Variants in CAMTA1 observed in about 807,000 individuals in gnomAD.
The protein encoded by CAMTA1 is calmodulin-binding transcription activator 1.
In CAMTA1, 27 loss-of-function variants were observed where a neutral mutation model predicts 170.9. That is an observed-to-expected ratio of 0.16 (90% confidence interval 0.12 to 0.22). The LOEUF (loss-of-function observed/expected upper bound fraction) is 0.22. CAMTA1 is among the 10% of genes least tolerant of loss of function. The pLI is 1.00. For synonymous variants in CAMTA1, 833 were observed against 891.5 expected, an observed-to-expected ratio of 0.93 and a Z score of 1.17; for missense variants, 1,619 against 2,217.2, an observed-to-expected ratio of 0.73 and a Z score of 5.42.
rs1490994408 is a variant in CAMTA1 at position 7,727,062 on chromosome 1, A to G, written c.2915-5386A>G. On this transcript the variant is annotated intron_variant, in intron 11 of 22. Coordinates refer to ENST00000303635, the MANE Select transcript of CAMTA1 (RefSeq NM_015215.4). The stretch of plus-strand genomic sequence containing the variant: ...CATCATGGGTAAGAACTAGGACCAA[A>G]CTCATCAGCTCCCTAAATCTACGCA... Among the ~76,000 whole-genome samples the G allele has an allele frequency of 2.6e-5, 4 of 151,730 alleles. No homozygotes were observed. In the East Asian group the frequency reaches 7.7e-4, roughly 29 times the overall value.
intron 6 of CAMTA1, among the ~76,000 whole-genome samples, chr1:7,600,545 G>A (rs1373006986): frequency 6.6e-6 from 1 of 150,456 alleles, no homozygotes. Flanking sequence ...GGGGGATTTG[G>A]CAGGGTCACA....
intron 5 of CAMTA1, among the ~76,000 whole-genome samples, chr1:7,467,533 T>C (rs6666707): frequency 2.0e-5 from 3 of 152,206 alleles, no homozygotes; most frequent in Non-Finnish European, 4.4e-5. Context: ...AATGCATACG[T>C]AGGTACATTT....
rs1361709842 is a variant in CAMTA1 at position 7,310,700 on chromosome 1, C to CTCTCTCTCTCTT, written c.438+61077_438+61078insCTCTCTCTTTCT. Among the ~76,000 whole-genome samples the CTCTCTCTCTCTT allele has an allele frequency of 1.6e-3, 87 of 53,464 alleles. 1 individual carries two copies. The highest frequency in any genetic ancestry group is 8.6e-3 in the Middle Eastern group (1 of 116). The allele number at this position is 53,464 out of a possible 152,430, so 35.1% of individuals were successfully genotyped here. ...TCTTTCTCTCTCTCTCTCTCTCTCT[C>CTCTCTCTCTCTT]TCTTTCTTTCTTTCTTTCTTTCTTT... On this transcript the variant is annotated intron_variant, in intron 5 of 22. Coordinates refer to ENST00000303635, the MANE Select transcript of CAMTA1 (RefSeq NM_015215.4).
At chr1:7,319,870 T>C (rs540295769) in intron 5 of CAMTA1, among the ~76,000 whole-genome samples, 22 of 150,584 alleles carry the variant, frequency 1.5e-4, no homozygotes, top group South Asian at 4.2e-4. Context: ...ATTTTTTTTT[T>C]CCTTGGCATA....
intron 20 of CAMTA1, 54 bp from the exon 21 acceptor site, chr1:7,752,405 C>A: frequency 6.7e-7 from 1 of 1,498,990 alleles, no homozygotes; most frequent in South Asian, 1.1e-5. Flanking sequence ...ACCAGTTTTC[C>A]ATATTGGGCT....
rs1661419698 is a variant in CAMTA1 at position 7,224,843 on chromosome 1, C to G, written c.303-24648C>G. ...TGGTCCGTTGGCACCCTGCCCACCG[C>G]ACTTCAGCTTCCCTTGCTGCCACCT... On this transcript the variant is annotated intron_variant, in intron 4 of 22. Coordinates refer to ENST00000303635, the MANE Select transcript of CAMTA1 (RefSeq NM_015215.4). This position sits in a 1 kb window ranked among gnomAD's most constrained non-coding sequence, Gnocchi z 5.2. Among the ~76,000 whole-genome samples the G allele has an allele frequency of 1.3e-5, 2 of 152,194 alleles. No homozygotes were observed.
Position 7,285,550 on chromosome 1 carries a change from G to T in CAMTA1, c.438+35924G>T, listed in dbSNP as rs536736024. Among the ~76,000 whole-genome samples the T allele has an allele frequency of 6.6e-5, 10 of 152,286 alleles. No individual in the cohort carries two copies. The South Asian group carries it at 2.1e-3, about 32-fold the overall frequency. Reference sequence around the variant, plus strand: ...CTCATGGCAGCTCCTCTGAACAGATGCTCAAAAGCTGCCTTTTTTTCTTTC... The same window carrying T: ...CTCATGGCAGCTCCTCTGAACAGATTCTCAAAAGCTGCCTTTTTTTCTTTC... On this transcript the variant is annotated intron_variant, in intron 5 of 22. Transcript: ENST00000303635.
At chr1:7,127,558 G>T (rs1053409447) in intron 4 of CAMTA1, among the ~76,000 whole-genome samples, 4 of 152,078 alleles carry the variant, frequency 2.6e-5, no homozygotes, top group Non-Finnish European at 5.9e-5. Flanking sequence ...CGGTCACCTT[G>T]CCAGCCTCTT....
intron 10 of CAMTA1, among the ~76,000 whole-genome samples, chr1:7,675,980 C>G (rs2096115581): frequency 6.6e-6 from 1 of 152,208 alleles, no homozygotes; most frequent in South Asian, 2.1e-4. Flanking sequence ...GGTGGAAGAG[C>G]AGCAGCAGTT....
At chr1:7,667,877 C>G (rs1374754650) in intron 9 of CAMTA1, among the ~76,000 whole-genome samples, 2 of 152,220 alleles carry the variant, frequency 1.3e-5, no homozygotes, top group Non-Finnish European at 2.9e-5. Flanking sequence ...CATAAGCCAC[C>G]CAGCTAGGCC....
At chr1:7,282,528 A>G (rs1417947013) in intron 5 of CAMTA1, among the ~76,000 whole-genome samples, 1 of 152,132 alleles carries the variant, frequency 6.6e-6, no homozygotes, top group African/African-American at 2.4e-5. Context: ...ATTTGATGAC[A>G]GTTCATTTCA....
intron 5 of CAMTA1, among the ~76,000 whole-genome samples, chr1:7,439,035 A>G (rs893559256): frequency 1.3e-5 from 2 of 152,140 alleles, no homozygotes; most frequent in Non-Finnish European, 2.9e-5. Flanking sequence ...CTGAGAGGGA[A>G]GGCCACCACA....
At chr1:6,990,791 C>G (rs1040424460) in intron 3 of CAMTA1, among the ~76,000 whole-genome samples, 1 of 124,066 alleles carries the variant, frequency 8.1e-6, no homozygotes, top group Admixed American at 8.1e-5. Flanking sequence ...CTCTGTCTCT[C>G]TCTCTCTCTC....
Position 7,704,732 on chromosome 1 carries a change from C to T in CAMTA1, c.2914+26999C>T, listed in dbSNP as rs2096488196. Among the ~76,000 whole-genome samples the T allele has an allele frequency of 3.4e-5, 5 of 147,648 alleles. No homozygotes were observed. In the South Asian group the frequency reaches 1.0e-3, roughly 31 times the overall value. On this transcript the variant is annotated intron_variant, in intron 11 of 22. Transcript: ENST00000303635. ...CACTCGGGCAGTGGCGGGGAGACCG[C>T]GGTACCCGGAGCCCCGCGAGTCGTT...
chr1:7,720,474 C>A (rs577742297), intron 11 of CAMTA1, among the ~76,000 whole-genome samples: 1 of 152,232 alleles, frequency 6.6e-6, no homozygotes, highest in African/African-American at 2.4e-5. Context: ...CTCCCTCTCC[C>A]AGGTTCAAGC....
chr1:7,483,507 G>A (rs539727882), intron 6 of CAMTA1, among the ~76,000 whole-genome samples: 48 of 152,336 alleles, frequency 3.2e-4, no homozygotes, highest in African/African-American at 9.6e-4. Context: ...CAAAGCCACT[G>A]GGAAGAAGCA....
chr1:7,281,905 G>A (rs761506146), intron 5 of CAMTA1, among the ~76,000 whole-genome samples: 1 of 151,000 alleles, frequency 6.6e-6, no homozygotes, highest in Non-Finnish European at 1.5e-5. Flanking sequence ...CCAACCCCCT[G>A]TTCTTTCCCA....
intron 12 of CAMTA1, among the ~76,000 whole-genome samples, chr1:7,733,174 C>T (rs762170724): frequency 2.0e-5 from 3 of 151,916 alleles, no homozygotes; most frequent in Admixed American, 1.3e-4. Flanking sequence ...TGCACTCTGA[C>T]CTGGTCAACA....
intron 3 of CAMTA1, among the ~76,000 whole-genome samples, chr1:6,891,738 T>G (rs1018616040): frequency 6.6e-6 from 1 of 152,174 alleles, no homozygotes; most frequent in African/African-American, 2.4e-5. Flanking sequence ...CAATAGAAAG[T>G]CCACCAGCCA....
Sources: gnomAD v4.1 joint callset for allele counts (sites outside exome capture counted in the v4.1 genomes callset) on GRCh38, gnomAD v4.1.1 for gene constraint, Gnocchi (gnomAD v3.1) non-coding constraint, MANE v1.5 for transcripts, NCBI Gene and HGNC (gene_info 2026-07-23, HGNC 2026-07-21) for gene names.